Variants in HVCN1 observed in about 807,000 individuals in gnomAD.
HVCN1 encodes the protein hydrogen voltage gated channel 1.
HVCN1 carries 14 observed loss-of-function variants against 29.2 expected under a neutral mutation model. The ratio of observed to expected loss-of-function variants is 0.48; its 90% CI spans 0.32 to 0.75. HVCN1 has a LOEUF of 0.75. Ranked by LOEUF, HVCN1 falls within the 30% of genes least tolerant of loss-of-function variation. The pLI, the probability that HVCN1 is intolerant of heterozygous loss-of-function variation, is 0.04. For synonymous variants in HVCN1, 131 were observed against 133.2 expected (o/e 0.98, Z 0.11); for missense variants, 263 against 341.8 (o/e 0.77, Z 1.82).
At chr12:110,662,829 C>T (rs1405563710) in intron 3 of HVCN1, among the ~76,000 whole-genome samples, 1 of 152,148 alleles carries the variant, frequency 6.6e-6, no homozygotes, top group Non-Finnish European at 1.5e-5. Flanking sequence ...AGATATACTA[C>T]AGACTGGGAT....
chr12:110,659,840 G>C lies in HVCN1; in HGVS notation c.306+1324C>G, dbSNP rs867343539. On this transcript the variant is annotated intron_variant, in intron 4 of 7. Coordinates refer to ENST00000242607, the MANE Select transcript of HVCN1 (RefSeq NM_032369.4). ...CCCAGCACTTTGGGAGGCTGACACG[G>C]GTGGATCACTTGAGGTCAGGAGTTT... Among the ~76,000 whole-genome samples the C allele has an allele frequency of 2.9e-4, 44 of 152,300 alleles. 1 individual carries two copies. Among genetic ancestry groups the C allele is most frequent in the African/African-American group, 9.6e-4 (40 of 41,572 alleles).
chr12:110,655,369 TGAGACCCCCACA>T (rs1169110383), intron 4 of HVCN1, 31 bp from the exon 5 acceptor site: 2 of 1,542,376 alleles, frequency 1.3e-6, no homozygotes, highest in Admixed American at 3.3e-5. Context: ...CCAGAGATCA[TGAGACCCCCACA>T]GAGGCCCTCC....
chr12:110,703,647 C>T (rs550798994), intron 1 of HVCN1, among the ~76,000 whole-genome samples: 18 of 151,868 alleles, frequency 1.2e-4, no homozygotes, highest in Admixed American at 3.9e-4. Context: ...CAAATAAAAA[C>T]GACCGCCCCA....
chr12:110,654,636 G>A (rs774846857), intron 5 of HVCN1, among the ~76,000 whole-genome samples: 1 of 151,812 alleles, frequency 6.6e-6, no homozygotes, highest in African/African-American at 2.4e-5. Flanking sequence ...ATGCCACCAC[G>A]CCCAGCTACT....
chr12:110,703,398 A>AT (rs2069580766), intron 1 of HVCN1, among the ~76,000 whole-genome samples: 1 of 151,654 alleles, frequency 6.6e-6, no homozygotes, highest in Non-Finnish European at 1.5e-5. Flanking sequence ...CTAAAAAAAA[A>AT]GGAAAAAAAA....
chr12:110,670,467 T>G (rs1268032154), intron 3 of HVCN1, among the ~76,000 whole-genome samples: 2 of 152,246 alleles, frequency 1.3e-5, no homozygotes, highest in Non-Finnish European at 2.9e-5. Flanking sequence ...CTATGGTTGC[T>G]TATTTTATCA....
chr12:110,653,945 A>C (rs2067901266), intron 5 of HVCN1, among the ~76,000 whole-genome samples: 1 of 152,068 alleles, frequency 6.6e-6, no homozygotes, highest in African/African-American at 2.4e-5. Context: ...TGGGAGAAAA[A>C]CCTTATTAGG....
upstream of HVCN1, chr12:110,689,940 T>C (rs187934214): frequency 2.6e-5 from 4 of 152,420 alleles, no homozygotes; most frequent in African/African-American, 9.6e-5. This position sits in a 1 kb window ranked among gnomAD's most constrained non-coding sequence, Gnocchi z 5.7. Flanking sequence ...TCCCTTCCGG[T>C]TGAGTCGGGG....
upstream of HVCN1, among the ~76,000 whole-genome samples, chr12:110,690,322 G>A (rs1318585348): frequency 6.6e-6 from 1 of 152,158 alleles, no homozygotes; most frequent in Non-Finnish European, 1.5e-5. Context: ...AGCCACATGT[G>A]CAAAGTCCCC....
chr12:110,679,905 G>A (rs1009372485), intron 3 of HVCN1, among the ~76,000 whole-genome samples: 7 of 151,782 alleles, frequency 4.6e-5, no homozygotes, highest in Non-Finnish European at 8.8e-5. Context: ...GGAGGTGGCA[G>A]GGGGCAGAGA....
At chr12:110,702,182 A>G (rs1301610310) in intron 2 of HVCN1, 2 of 152,048 alleles carry the variant, frequency 1.3e-5, no homozygotes, top group Non-Finnish European at 2.9e-5. Flanking sequence ...ACCAAGACTG[A>G]GGAAGTCTTG....
At chr12:110,681,418 C>T (rs376760564) in intron 3 of HVCN1, among the ~76,000 whole-genome samples, 9 of 152,190 alleles carry the variant, frequency 5.9e-5, no homozygotes, top group African/African-American at 1.4e-4. Flanking sequence ...ATGGGTTGAC[C>T]CAGTCCCCCG....
At chr12:110,693,705 T>C (rs1349528098), upstream of HVCN1, among the ~76,000 whole-genome samples, 1 of 152,232 alleles carries the variant, frequency 6.6e-6, no homozygotes, top group Non-Finnish European at 1.5e-5. Context: ...GCTGTTCTTA[T>C]AGTTTAATGT....
chr12:110,698,926 G>A (rs1327603493), intron 2 of HVCN1, among the ~76,000 whole-genome samples: 1 of 152,200 alleles, frequency 6.6e-6, no homozygotes, highest in African/African-American at 2.4e-5. Flanking sequence ...CCAGGAGTTC[G>A]AGACCAACCT....
At chr12:110,650,980 A>G (rs1339129881) in intron 6 of HVCN1, among the ~76,000 whole-genome samples, 2 of 152,114 alleles carry the variant, frequency 1.3e-5, no homozygotes, top group Non-Finnish European at 2.9e-5. Flanking sequence ...GATTACAGGC[A>G]TGACCACTGC....
At chr12:110,677,997 A>G (rs1036577826) in intron 3 of HVCN1, among the ~76,000 whole-genome samples, 1 of 152,230 alleles carries the variant, frequency 6.6e-6, no homozygotes, top group African/African-American at 2.4e-5. Context: ...AGGAACTGTA[A>G]TCATTCCAAC....
Position 110,649,355 on chromosome 12 carries a change from T to A in HVCN1, c.*55A>T. ...CCAGGAGGGGCAGCTGTTCCTCTCG[T>A]GACAGCACAGGCCCATGAGACAGTG... On this transcript the variant is annotated 3_prime_UTR_variant, in exon 8 of 8. Coordinates refer to ENST00000242607, the MANE Select transcript of HVCN1 (RefSeq NM_032369.4). The A allele has an allele frequency of 7.0e-7, 1 of 1,437,252 alleles. No individual in the cohort carries two copies. The allele number at this position is 1,437,252 out of a possible 1,614,324, so 89.0% of individuals were successfully genotyped here.
rs762608215 is a variant in HVCN1 at position 110,657,193 on chromosome 12, C to T, written c.307-1855G>A. Among the ~76,000 whole-genome samples, 105 of 152,104 alleles carry T rather than the reference C, an allele frequency of 6.9e-4. 1 individual carries two copies. Among genetic ancestry groups the T allele is most frequent in the Admixed American group, 3.9e-4 (6 of 15,260 alleles). On this transcript the variant is annotated intron_variant, in intron 4 of 7. Transcript: ENST00000242607. ...GTGACTGCTAATGGGTACCAGGTTTCCATTTGAAAATGCTCTGGGGCCGGA... is the reference window on the plus strand; with the variant it reads ...GTGACTGCTAATGGGTACCAGGTTTTCATTTGAAAATGCTCTGGGGCCGGA...
upstream of HVCN1, among the ~76,000 whole-genome samples, chr12:110,690,173 T>C (rs1593546365): frequency 1.3e-5 from 2 of 151,940 alleles, no homozygotes; most frequent in South Asian, 4.1e-4. Context: ...GCTGGAGAGG[T>C]GCCTGTGATC....
Sources: gnomAD v4.1 joint callset for allele counts (sites outside exome capture counted in the v4.1 genomes callset) on GRCh38, gnomAD v4.1.1 for gene constraint, Gnocchi (gnomAD v3.1) non-coding constraint, MANE v1.5 for transcripts, NCBI Gene and HGNC (gene_info 2026-07-23, HGNC 2026-07-21) for gene names.